The following FEM1C variants were observed in gnomAD, a reference collection of about 807,000 sequenced individuals.
FEM1C encodes the protein protein fem-1 homolog C.
A neutral mutation model predicts 37.6 loss-of-function variants in FEM1C; 15 were observed. That is an observed-to-expected ratio of 0.40 (90% CI 0.27 to 0.61). FEM1C has a LOEUF of 0.61. Ranked by LOEUF, FEM1C falls within the 20% of genes least tolerant of loss-of-function variation. The pLI is 0.42. For synonymous variants in FEM1C, 287 were observed against 272.8 expected, an observed-to-expected ratio of 1.05 and a Z score of -0.51; for missense variants, 532 against 749.7, an observed-to-expected ratio of 0.71 and a Z score of 3.39.
At chr5:115,541,396 G>A (rs1754238771) in intron 2 of FEM1C, among the ~76,000 whole-genome samples, 1 of 151,784 alleles carries the variant, frequency 6.6e-6, no homozygotes, top group African/African-American at 2.4e-5. Flanking sequence ...GATCACACTT[G>A]TATCATTTTT....
chr5:115,536,928 T>G (rs1320072060), intron 2 of FEM1C, among the ~76,000 whole-genome samples: 1 of 151,954 alleles, frequency 6.6e-6, no homozygotes, highest in African/African-American at 2.4e-5. Flanking sequence ...CGATGTTAAG[T>G]AGAATTTTCA....
chr5:115,541,308 A>AT (rs1464491299), intron 2 of FEM1C, among the ~76,000 whole-genome samples: 1 of 152,042 alleles, frequency 6.6e-6, no homozygotes, highest in Non-Finnish European at 1.5e-5. Context: ...GAGTACTGGG[A>AT]TTTTGTGGGA....
Position 115,524,561 on chromosome 5 carries a change from A to C in FEM1C, c.1601T>G (p.Ile534Ser). 1 of 1,613,496 alleles carries C rather than the reference A, an allele frequency of 6.2e-7. No individual in the cohort carries two copies. Among genetic ancestry groups the C allele is most frequent in the Non-Finnish European group, 8.5e-7 (1 of 1,179,666 alleles). ...GTCTGGATGGTTGTTAAGAGCAGCGATATGCAGGGGACTGTTGTCATCCGA... is the reference window on the plus strand; with the variant it reads ...GTCTGGATGGTTGTTAAGAGCAGCGCTATGCAGGGGACTGTTGTCATCCGA... ...RDSDDNSPLH[I>S]AALNNHPDIM... Residue 534 changes from isoleucine to serine, a missense_variant, in exon 3 of 3, where the codon ATC becomes AGC. Ile to Ser is a moderately radical substitution (Grantham distance 142). This residue lies in a region of FEM1C where 237 missense variants were observed against 260.5 expected (regional missense o/e 0.91). Transcript: ENST00000274457.
At chr5:115,526,458 T>G (rs1753896013) in intron 2 of FEM1C, among the ~76,000 whole-genome samples, 1 of 152,152 alleles carries the variant, frequency 6.6e-6, no homozygotes, top group African/African-American at 2.4e-5. Context: ...CTGTACTAAA[T>G]GTTCTAACAC....
chr5:115,538,662 A>T (rs1411702650), intron 2 of FEM1C, among the ~76,000 whole-genome samples: 1 of 151,924 alleles, frequency 6.6e-6, no homozygotes, highest in African/African-American at 2.4e-5. Flanking sequence ...CTGCTGAAAA[A>T]CTTTTACTGG....
intron 2 of FEM1C, among the ~76,000 whole-genome samples, chr5:115,534,390 AC>A (rs558919755): frequency 1.8e-3 from 270 of 152,024 alleles, no homozygotes; most frequent in Non-Finnish European, 3.0e-3. Context: ...AAATTAGGTA[AC>A]CCAAAAACAT....
In FEM1C at chr5:115,521,014, G is replaced by GA. The variant is rs1435233737; in HGVS notation, c.*3293dup. ...GGCATCCGAATACAGTACTTCTTTT[G>GA]AAAAAATACACAATGGGAACTGACA... On this transcript the variant is annotated 3_prime_UTR_variant, in exon 3 of 3. Coordinates refer to ENST00000274457, the MANE Select transcript of FEM1C (RefSeq NM_020177.3). 2 of 141,102 alleles carry GA rather than the reference G, an allele frequency of 1.4e-5. No homozygotes were observed. 8.7% of individuals were successfully genotyped at this position (141,102 alleles called of 1,614,324 possible).
chr5:115,543,611 A>G lies in FEM1C; in HGVS notation c.-118T>C, dbSNP rs1040148135. On this transcript the variant is annotated 5_prime_UTR_variant, in exon 2 of 3. Transcript: ENST00000274457. ...AGTCCAATGTTAATTGCTGCACCCC[A>G]GAACGGATACACAACCACGAAGAGT... 6 of 1,463,266 alleles carry G rather than the reference A, an allele frequency of 4.1e-6. No individual in the cohort carries two copies. In the Admixed American group the frequency reaches 1.3e-4, roughly 33 times the overall value. The allele number at this position is 1,463,266 out of a possible 1,614,324, so 90.6% of individuals were successfully genotyped here.
chr5:115,542,168 A>G (rs956429560), intron 2 of FEM1C, among the ~76,000 whole-genome samples: 1 of 152,210 alleles, frequency 6.6e-6, no homozygotes, highest in South Asian at 2.1e-4. Flanking sequence ...AAAAAATTCT[A>G]AACTACTTTT....
chr5:115,539,207 G>A (rs940787728), intron 2 of FEM1C, among the ~76,000 whole-genome samples: 29 of 152,008 alleles, frequency 1.9e-4, no homozygotes, highest in African/African-American at 6.3e-4. Flanking sequence ...AGCCTACAGC[G>A]TTTTCTATTG....
At chr5:115,543,774 A>G in intron 1 of FEM1C, 91 bp from the exon 2 acceptor site, 2 of 1,215,374 alleles carry the variant, frequency 1.6e-6, no homozygotes, top group Non-Finnish European at 2.1e-6. Flanking sequence ...GAAGAAAGGA[A>G]TAAAAGCTAT....
At chr5:115,540,736 T>C (rs970521823) in intron 2 of FEM1C, among the ~76,000 whole-genome samples, 12 of 152,108 alleles carry the variant, frequency 7.9e-5, no homozygotes, top group African/African-American at 2.9e-4. Context: ...TTGGAAAATA[T>C]AACGGAAGTA....
chr5:115,525,561 G>A lies in FEM1C; in HGVS notation c.601C>T (p.Leu201Phe). The A allele has an allele frequency of 6.2e-7, 1 of 1,613,458 alleles. No homozygotes were observed. Among genetic ancestry groups the A allele is most frequent in the Non-Finnish European group, 8.5e-7 (1 of 1,179,718 alleles). ...ESGSLDIMKM[L>F]LMYCAKMEKD... Reference sequence around the variant, plus strand: ...TCCATCTTGGCACAATACATAAGAAGCATCTTCATGATGTCCAAACTTCCA... The same window carrying A: ...TCCATCTTGGCACAATACATAAGAAACATCTTCATGATGTCCAAACTTCCA... Residue 201 changes from leucine to phenylalanine, a missense_variant, in exon 3 of 3, where the codon CTT (leucine) becomes TTT (phenylalanine). Coordinates refer to ENST00000274457, the MANE Select transcript of FEM1C (RefSeq NM_020177.3).
In FEM1C at chr5:115,544,735, C is replaced by G. The variant is rs1352153574; in HGVS notation, c.-403G>C. On this transcript the variant is annotated 5_prime_UTR_variant, in exon 1 of 3. Coordinates refer to ENST00000274457, the MANE Select transcript of FEM1C (RefSeq NM_020177.3). ...AGCTGCCTCCCGCCCTTAGTCGGCTCGGACTGCAGCGGCTGCAGCGACTGC... is the reference window on the plus strand; with the variant it reads ...AGCTGCCTCCCGCCCTTAGTCGGCTGGGACTGCAGCGGCTGCAGCGACTGC... 1 of 152,796 alleles carries G rather than the reference C, an allele frequency of 6.5e-6. No homozygotes were observed. Among genetic ancestry groups the G allele is most frequent in the East Asian group, 1.9e-4 (1 of 5,222 alleles). 9.5% of individuals were successfully genotyped at this position (152,796 alleles called of 1,614,324 possible). A position where few individuals can be genotyped will look rare whatever the true frequency, so the allele number is the denominator to read the frequency against.
At chr5:115,535,695 G>A (rs956857206) in intron 2 of FEM1C, among the ~76,000 whole-genome samples, 13 of 151,868 alleles carry the variant, frequency 8.6e-5, no homozygotes, top group African/African-American at 2.4e-4. Flanking sequence ...ACAGTTTAAC[G>A]GTTCCTGTTA....
At chr5:115,531,914 T>G (rs1042520360) in intron 2 of FEM1C, among the ~76,000 whole-genome samples, 4 of 152,114 alleles carry the variant, frequency 2.6e-5, no homozygotes, top group South Asian at 2.1e-4. Context: ...GGAGAAATTC[T>G]GCTTATGCTT....
Position 115,525,231 on chromosome 5 carries a change from G to T in FEM1C, c.931C>A (p.Leu311Ile). 1 of 1,613,528 alleles carries T rather than the reference G, an allele frequency of 6.2e-7. No individual in the cohort carries two copies. The highest frequency in any genetic ancestry group is 8.5e-7 in the Non-Finnish European group (1 of 1,179,788). Residue 311 changes from leucine (L) to isoleucine (I), a missense_variant, in exon 3 of 3, where the codon CTT becomes ATT. Transcript: ENST00000274457. Reference sequence around the variant, plus strand: ...CTCATCTCATCAGGATCAGCAATAAGACCTTCTAGCTCTTCTGCACTGTTC... The same window carrying T: ...CTCATCTCATCAGGATCAGCAATAATACCTTCTAGCTCTTCTGCACTGTTC... The part of the protein sequence containing the change: ...EVNSAEELEG[L>I]IADPDEMRMQ...
intron 2 of FEM1C, among the ~76,000 whole-genome samples, chr5:115,532,434 C>G (rs1024299454): frequency 6.6e-6 from 1 of 151,848 alleles, no homozygotes; most frequent in Non-Finnish European, 1.5e-5. Flanking sequence ...ATTACTCTAA[C>G]AGGTTAAGTG....
intron 2 of FEM1C, among the ~76,000 whole-genome samples, chr5:115,536,590 G>A (rs1043975864): frequency 4.6e-5 from 7 of 151,700 alleles, no homozygotes; most frequent in African/African-American, 1.7e-4. Flanking sequence ...AACAACTTAG[G>A]GTATCAAAGG....
Sources: allele counts gnomAD v4.1 joint callset (sites outside exome capture counted in the v4.1 genomes callset), GRCh38; gene constraint gnomAD v4.1.1; regional missense constraint gnomAD v4.1.1; transcripts MANE v1.5; gene names NCBI Gene and HGNC (gene_info 2026-07-23, HGNC 2026-07-21).